PPP6R2: variants seen among roughly 807,000 people sequenced by gnomAD.
PPP6R2 encodes protein phosphatase 6 regulatory subunit 2, also known as serine/threonine-protein phosphatase 6 regulatory subunit 2.
PPP6R2 carries 62 observed loss-of-function variants against 100.2 expected under a neutral mutation model. The observed-to-expected ratio is 0.62, with a 90% confidence interval of 0.50 to 0.76. The LOEUF (loss-of-function observed/expected upper bound fraction) is 0.76. Ranked by LOEUF, PPP6R2 falls within the 30% of genes least tolerant of loss-of-function variation. The pLI, the probability that PPP6R2 is intolerant of heterozygous loss-of-function variation, is 0.00. For synonymous variants in PPP6R2, 525 were observed against 514.7 expected (o/e 1.02, Z -0.27); for missense variants, 1,142 against 1,276.3 (o/e 0.89, Z 1.60).
At chr22:50,356,325 G>C (rs2046566573) in intron 1 of PPP6R2, among the ~76,000 whole-genome samples, 1 of 138,212 alleles carries the variant, frequency 7.2e-6, no homozygotes, top group African/African-American at 2.7e-5. Context: ...TTTTTTTTGA[G>C]AGGGTGTCAC....
chr22:50,437,482 C>CCAGCCAA, intron 15 of PPP6R2, 24 bp from the exon 16 acceptor site: 1 of 735,162 alleles, frequency 1.4e-6, no homozygotes, highest in Non-Finnish European at 2.5e-6. Flanking sequence ...TCTGTCCGTC[C>CCAGCCAA]CTCCCTCCCT....
rs2063210771 is a variant in PPP6R2, at chr22:50,431,877, G to A, written c.1336-388G>A. Reference sequence around the variant, plus strand: ...TCAGGGCCTGGAGGTGAGAGAAAGTGCTGAGGGCAGACAGCCCTAGTCGTT... The same window carrying A: ...TCAGGGCCTGGAGGTGAGAGAAAGTACTGAGGGCAGACAGCCCTAGTCGTT... On this transcript the variant is annotated intron_variant, in intron 11 of 23. Transcript: ENST00000612753. This position sits in a 1 kb window ranked among gnomAD's most constrained non-coding sequence, Gnocchi z 4.8. Among the ~76,000 whole-genome samples, 1 of 152,150 alleles carries A rather than the reference G, an allele frequency of 6.6e-6. No individual in the cohort carries two copies. The highest frequency in any genetic ancestry group is 1.5e-5 in the Non-Finnish European group (1 of 68,012).
intron 13 of PPP6R2, among the ~76,000 whole-genome samples, chr22:50,435,607 C>T (rs1300772146): frequency 2.6e-5 from 4 of 152,194 alleles, no homozygotes; most frequent in African/African-American, 7.2e-5. Flanking sequence ...GCTGTGGCCT[C>T]TCCTCCCTAT....
chr22:50,336,833 A>C, the PPP6R2 span, among the ~76,000 whole-genome samples: 1 of 151,780 alleles, frequency 6.6e-6, no homozygotes, highest in African/African-American at 2.4e-5. Flanking sequence ...CAGCCTCCAG[A>C]GTAGCTGGGA....
At chr22:50,331,884 T>G in the PPP6R2 span, among the ~76,000 whole-genome samples, 1 of 152,210 alleles carries the variant, frequency 6.6e-6, no homozygotes. Flanking sequence ...CCTCTCAAAG[T>G]GCTGGGATTA....
the PPP6R2 span, among the ~76,000 whole-genome samples, chr22:50,331,006 C>T: frequency 4.1e-4 from 62 of 152,216 alleles, no homozygotes; most frequent in African/African-American, 1.2e-3. Context: ...GTAATAAATG[C>T]GTGTGGTTGT....
At chr22:50,375,089 T>TAGAGAGTAGAATAATTCCTCAAAGCGACG (rs1356712698) in intron 2 of PPP6R2, among the ~76,000 whole-genome samples, 4 of 152,068 alleles carry the variant, frequency 2.6e-5, no homozygotes, top group Non-Finnish European at 5.9e-5. Context: ...TGGAAGCCAG[T>TAGAGAGTAGAATAATTCCTCAAAGCGACG]AGAGAGTAGA....
At position 50,436,923 on chromosome 22, in the gene PPP6R2, G is replaced by A; in HGVS notation, c.1603-65G>A. The stretch of plus-strand genomic sequence containing the variant: ...TGGGCTGGGCATGGTCCTGGGCGCT[G>A]GGCTGGGTGGGGTCTGGGGCGCTGG... On this transcript the variant is annotated intron_variant, in intron 14 of 23. Transcript: ENST00000612753. 2.9e-6 allele frequency: 4 copies of A among 1,361,680 alleles called. No homozygotes were observed. In the South Asian group the frequency reaches 5.0e-5, roughly 17 times the overall value. The allele number at this position is 1,361,680 out of a possible 1,614,324, so 84.3% of individuals were successfully genotyped here. A position where few individuals can be genotyped will look rare whatever the true frequency, so the allele number is the denominator to read the frequency against.
intron 1 of PPP6R2, among the ~76,000 whole-genome samples, chr22:50,366,812 A>T (rs1602401950): frequency 6.6e-6 from 1 of 152,220 alleles, no homozygotes; most frequent in East Asian, 1.9e-4. Flanking sequence ...CAAGTCAGAG[A>T]CTGCCAGCCA....
At chr22:50,395,203 CATT>C (rs776991386) in intron 3 of PPP6R2, among the ~76,000 whole-genome samples, 21 of 152,272 alleles carry the variant, frequency 1.4e-4, no homozygotes, top group Admixed American at 6.5e-5. Flanking sequence ...GGAAATAGAT[CATT>C]GTCATTCGTG....
chr22:50,419,641 AG>A (rs1463838233), intron 8 of PPP6R2, among the ~76,000 whole-genome samples, 179 bp downstream of exon 8: 1 of 152,222 alleles, frequency 6.6e-6, no homozygotes, highest in African/African-American at 2.4e-5. Flanking sequence ...AAGTCCCCTT[AG>A]ACCCTCATCA....
Position 50,431,143 on chromosome 22 carries a change from AG to A in PPP6R2, c.1126-29del. The A allele has an allele frequency of 6.4e-7, 1 of 1,558,430 alleles. No individual in the cohort carries two copies. The highest frequency in any genetic ancestry group is 8.8e-7 in the Non-Finnish European group (1 of 1,132,170). ...TAGCCGGCAGGAGAAAACCGATCTA[AG>A]AACTGTCTTCTGTCCTCTGTTTACC... On this transcript the variant is annotated intron_variant, in intron 10 of 23. Coordinates refer to ENST00000612753, the MANE Select transcript of PPP6R2 (RefSeq NM_001242898.2). This position sits in a 1 kb window ranked among gnomAD's most constrained non-coding sequence, Gnocchi z 4.8.
chr22:50,366,025 A>T (rs2148416939), intron 1 of PPP6R2, among the ~76,000 whole-genome samples: 1 of 152,140 alleles, frequency 6.6e-6, no homozygotes, highest in South Asian at 2.1e-4. Context: ...GACTTTGTGA[A>T]TTTTATCTTG....
At chr22:50,371,786 G>A (rs1241871779) in intron 1 of PPP6R2, among the ~76,000 whole-genome samples, 7 of 152,040 alleles carry the variant, frequency 4.6e-5, no homozygotes, top group African/African-American at 7.2e-5. Context: ...ACAGGCATGC[G>A]CCACCACACC....
chr22:50,340,279 T>C (rs1296159604), upstream of PPP6R2, among the ~76,000 whole-genome samples: 7 of 115,738 alleles, frequency 6.0e-5, no homozygotes, highest in Admixed American at 1.1e-4. Flanking sequence ...GTGTGTGGTA[T>C]GTGGTATGTG....
At position 50,436,468 on chromosome 22, in the gene PPP6R2, G is replaced by T. The variant is rs1408128255; in HGVS notation, c.1602+16G>T. The T allele has an allele frequency of 3.8e-6, 6 of 1,571,362 alleles. No individual in the cohort carries two copies. The Admixed American group carries it at 9.5e-5, about 25-fold the overall frequency. ...TGTGGACCTGGTGAGGAGGCTCGGG[G>T]CTGCCCCCTCGGTGCACGCACGGTG... is the stretch of plus-strand genomic sequence containing the variant. On this transcript the variant is annotated intron_variant, in intron 14 of 23. Coordinates refer to ENST00000612753, the MANE Select transcript of PPP6R2 (RefSeq NM_001242898.2).
At chr22:50,439,088 C>G (rs1440052944) in intron 19 of PPP6R2, among the ~76,000 whole-genome samples, 2 of 152,190 alleles carry the variant, frequency 1.3e-5, no homozygotes, top group African/African-American at 2.4e-5. Context: ...CCCAGCACAG[C>G]AGCACAGGCC....
intron 8 of PPP6R2, among the ~76,000 whole-genome samples, chr22:50,421,969 A>C (rs7510909): frequency 0.38 from 58,416 of 151,832 alleles, 11,676 homozygotes; most frequent in East Asian, 0.67. Context: ...CAGGACCTCT[A>C]ACTGGTGCTA....
intron 13 of PPP6R2, among the ~76,000 whole-genome samples, chr22:50,435,331 C>G (rs915586436): frequency 1.3e-5 from 2 of 152,236 alleles, no homozygotes; most frequent in Admixed American, 6.5e-5. Flanking sequence ...GCACAAGAGA[C>G]AGTCCCTCCC....
Sources: allele counts gnomAD v4.1 joint callset (sites outside exome capture counted in the v4.1 genomes callset), GRCh38; gene constraint gnomAD v4.1.1; non-coding constraint Gnocchi (gnomAD v3.1); transcripts MANE v1.5; gene names NCBI Gene and HGNC (gene_info 2026-07-23, HGNC 2026-07-21).